Variants in TCF12 observed in about 807,000 individuals in gnomAD.
TCF12 encodes the protein DNA-binding protein HTF4.
Under a neutral mutation model 86.0 loss-of-function variants are expected in TCF12, and 45 were observed. The observed-to-expected ratio is 0.52, with a 90% confidence interval of 0.41 to 0.67. The LOEUF (loss-of-function observed/expected upper bound fraction) is 0.67. TCF12 is among the 30% of genes least tolerant of loss of function. The pLI, the probability that TCF12 is intolerant of heterozygous loss-of-function variation, is 0.00. For missense variants in TCF12, 881 were observed against 859.9 expected, an observed-to-expected ratio of 1.02 and a Z score of -0.31; for synonymous variants, 330 against 299.6, an observed-to-expected ratio of 1.10 and a Z score of -1.05.
At chr15:57,037,646 G>A (rs551862498) in intron 3 of TCF12, among the ~76,000 whole-genome samples, 17 of 152,270 alleles carry the variant, frequency 1.1e-4, no homozygotes, top group East Asian at 7.7e-4. Context: ...CATATGTTCC[G>A]TTTCTTTGAT....
chr15:57,013,412 G>A (rs1181989177), intron 3 of TCF12, among the ~76,000 whole-genome samples: 4 of 152,136 alleles, frequency 2.6e-5, no homozygotes, highest in African/African-American at 9.7e-5. Flanking sequence ...CCAGGTTTAA[G>A]CAATCCTTCC....
chr15:57,121,155 C>G (rs770451793), intron 5 of TCF12, among the ~76,000 whole-genome samples: 1 of 152,188 alleles, frequency 6.6e-6, no homozygotes, highest in Non-Finnish European at 1.5e-5. Context: ...TAGATGATGA[C>G]ATCTACCAGT....
At chr15:57,033,944 T>G (rs1264203894) in intron 3 of TCF12, among the ~76,000 whole-genome samples, 1 of 152,180 alleles carries the variant, frequency 6.6e-6, no homozygotes, top group East Asian at 1.9e-4. Flanking sequence ...TAAAAGAATG[T>G]TTACCTAAAG....
chr15:57,184,630 CTT>C (rs1362343037), intron 6 of TCF12, among the ~76,000 whole-genome samples: 1 of 152,086 alleles, frequency 6.6e-6, no homozygotes, highest in Non-Finnish European at 1.5e-5. Context: ...TTAAAGGAAA[CTT>C]TAAGGTACTT....
At chr15:57,079,304 T>C (rs1464272490) in intron 4 of TCF12, among the ~76,000 whole-genome samples, 1 of 152,202 alleles carries the variant, frequency 6.6e-6, no homozygotes, top group African/African-American at 2.4e-5. Context: ...GTGAAGATGC[T>C]GACTTGTGTT....
intron 3 of TCF12, among the ~76,000 whole-genome samples, chr15:56,978,659 CAATAAG>C (rs1348784041): frequency 2.6e-5 from 4 of 152,238 alleles, no homozygotes; most frequent in South Asian, 2.1e-4. Flanking sequence ...TTTTAGTAGT[CAATAAG>C]AATAGTTAAA....
At chr15:57,220,855 C>T (rs1417271125) in intron 8 of TCF12, among the ~76,000 whole-genome samples, 1 of 151,958 alleles carries the variant, frequency 6.6e-6, no homozygotes, top group Non-Finnish European at 1.5e-5. Context: ...ATTTTACCCT[C>T]AGGTGTCTTA....
chr15:57,014,258 C>T (rs1009418008), intron 3 of TCF12, among the ~76,000 whole-genome samples: 33 of 152,136 alleles, frequency 2.2e-4, no homozygotes, highest in African/African-American at 7.7e-4. Flanking sequence ...TATGTGTTCA[C>T]TCAGCTTGTG....
chr15:57,093,573 T>C (rs2049131864), intron 5 of TCF12, among the ~76,000 whole-genome samples: 1 of 152,168 alleles, frequency 6.6e-6, no homozygotes, highest in South Asian at 2.1e-4. Flanking sequence ...ACGGGACAAG[T>C]GTGGAAATTA....
chr15:57,164,414 G>T (rs992632703), intron 5 of TCF12, among the ~76,000 whole-genome samples: 1 of 152,158 alleles, frequency 6.6e-6, no homozygotes, highest in Admixed American at 6.5e-5. Context: ...AGAAGGGGAA[G>T]CAAAAGTGTC....
chr15:57,266,394 T>C (rs1266783889), intron 18 of TCF12, among the ~76,000 whole-genome samples: 5 of 152,118 alleles, frequency 3.3e-5, no homozygotes, highest in African/African-American at 1.2e-4. Context: ...TATTTTTATG[T>C]TTTATTAGAA....
At chr15:57,145,940 A>G (rs1435734106) in intron 5 of TCF12, among the ~76,000 whole-genome samples, 2 of 152,194 alleles carry the variant, frequency 1.3e-5, no homozygotes, top group Admixed American at 6.5e-5. Context: ...TCTAGTTCAG[A>G]TCATCTGGTA....
At chr15:57,074,425 G>A (rs2069703179) in intron 4 of TCF12, among the ~76,000 whole-genome samples, 1 of 151,294 alleles carries the variant, frequency 6.6e-6, no homozygotes, top group African/African-American at 2.4e-5. Flanking sequence ...TGGAGAGGTA[G>A]CTGTTTTGAA....
chr15:57,170,737 A>ATATTATATATAAT (rs1567559372), intron 6 of TCF12, among the ~76,000 whole-genome samples: 10 of 24,836 alleles, frequency 4.0e-4, no homozygotes, highest in African/African-American at 8.6e-4. Context: ...TATTATATAT[A>ATATTATATATAAT]ATATATATTA....
chr15:57,188,267 A>G (rs534389449), intron 6 of TCF12, among the ~76,000 whole-genome samples: 120 of 152,240 alleles, frequency 7.9e-4, no homozygotes, highest in Non-Finnish European at 1.5e-3. Flanking sequence ...TAATTTGAAC[A>G]TGAAATATAA....
At chr15:57,248,428 A>G (rs118031436) in intron 13 of TCF12, among the ~76,000 whole-genome samples, 2,783 of 152,336 alleles carry the variant, frequency 0.018, 31 homozygotes, top group Middle Eastern at 0.031. Context: ...GCAGTAAGAG[A>G]ATAAGTTTAC....
intron 5 of TCF12, among the ~76,000 whole-genome samples, chr15:57,144,159 A>C (rs1337524772): frequency 3.3e-5 from 5 of 152,182 alleles, no homozygotes; most frequent in Non-Finnish European, 7.3e-5. Flanking sequence ...GATGGGAGCA[A>C]AGAGAAACTA....
At chr15:56,943,770 C>A (rs1484033317) in intron 3 of TCF12, among the ~76,000 whole-genome samples, 1 of 152,144 alleles carries the variant, frequency 6.6e-6, no homozygotes, top group East Asian at 1.9e-4. Flanking sequence ...GTCATTATTA[C>A]AATGTATTTG....
rs562504825 is a variant in TCF12, at chr15:57,171,401, TTAAC to T, written c.390+4941_390+4944del. 5.3e-3 allele frequency among the ~76,000 whole-genome samples: 805 copies of T among 152,072 alleles called. 12 individuals carry two copies. The highest frequency in any genetic ancestry group is 0.018 in the African/African-American group (763 of 41,468). ...TCAGAGGAGGGACAAAAAATATACTTTAACTAACTGGCTGCCATTTTGTCTTACC... is the reference window on the plus strand; with the variant it reads ...TCAGAGGAGGGACAAAAAATATACTTTAACTGGCTGCCATTTTGTCTTACC... On this transcript the variant is annotated intron_variant, in intron 6 of 20. Coordinates refer to ENST00000333725, the MANE Select transcript of TCF12 (RefSeq NM_207037.2).
Sources: gnomAD v4.1 joint callset for allele counts (sites outside exome capture counted in the v4.1 genomes callset) on GRCh38, gnomAD v4.1.1 for gene constraint, MANE v1.5 for transcripts, NCBI Gene and HGNC (gene_info 2026-07-23, HGNC 2026-07-21) for gene names.